The following GALNTL6 variants were observed in gnomAD, a reference collection of about 807,000 sequenced individuals.
GALNTL6 encodes polypeptide N-acetylgalactosaminyltransferase like 6, also known as polypeptide N-acetylgalactosaminyltransferase-like 6.
Under a neutral mutation model 73.7 loss-of-function variants are expected in GALNTL6, and 46 were observed. The observed-to-expected ratio is 0.62, with a 90% confidence interval of 0.49 to 0.80. GALNTL6 has a LOEUF of 0.80. Among genes scored for constraint, GALNTL6 ranks in the 30% least tolerant of loss-of-function variants. GALNTL6 has a pLI of 0.00. For missense variants in GALNTL6, 604 were observed against 755.0 expected (o/e 0.80, Z 2.34); for synonymous variants, 259 against 263.7 (o/e 0.98, Z 0.17).
intron 5 of GALNTL6, among the ~76,000 whole-genome samples, chr4:172,773,600 CAA>C (rs11382532): frequency 6.9e-6 from 1 of 145,700 alleles, no homozygotes. Context: ...ATTCAGTGAC[CAA>C]AAAAAAAAAC....
intron 5 of GALNTL6, among the ~76,000 whole-genome samples, chr4:172,560,019 G>A (rs933672444): frequency 2.6e-5 from 4 of 152,078 alleles, no homozygotes; most frequent in Admixed American, 6.6e-5. Context: ...GTTCCAATTC[G>A]TAATTAATGT....
rs76426531 is a variant in GALNTL6, at chr4:172,065,492, C to T, written c.139-164164C>T. On this transcript the variant is annotated intron_variant, in intron 2 of 12. Coordinates refer to ENST00000506823, the MANE Select transcript of GALNTL6 (RefSeq NM_001034845.3). ...TTTGAAATTCCCAATTCAAATGTAA[C>T]ATCATAGGTAGGAAATATATTTTGG... 5.3e-3 allele frequency among the ~76,000 whole-genome samples: 802 copies of T among 152,132 alleles called. 9 individuals carry two copies. Among genetic ancestry groups the T allele is most frequent in the African/African-American group, 0.017 (722 of 41,488 alleles).
intron 2 of GALNTL6, among the ~76,000 whole-genome samples, chr4:172,217,274 AG>A (rs1736525648): frequency 6.6e-6 from 1 of 152,158 alleles, no homozygotes; most frequent in Non-Finnish European, 1.5e-5. Context: ...TTCAAAATGT[AG>A]GGTAAAATAT....
At chr4:172,377,131 C>T (rs1395739289) in intron 5 of GALNTL6, among the ~76,000 whole-genome samples, 1 of 152,166 alleles carries the variant, frequency 6.6e-6, no homozygotes, top group African/African-American at 2.4e-5. Context: ...CCAAACACAT[C>T]CTGTTGATTG....
At chr4:172,694,830 C>T (rs1733587739) in intron 5 of GALNTL6, among the ~76,000 whole-genome samples, 2 of 152,132 alleles carry the variant, frequency 1.3e-5, no homozygotes, top group Non-Finnish European at 2.9e-5. Context: ...AAAATTATTT[C>T]TGCTTTTTAA....
chr4:172,846,042 T>C (rs1386350788), intron 7 of GALNTL6, among the ~76,000 whole-genome samples: 1 of 152,232 alleles, frequency 6.6e-6, no homozygotes, highest in African/African-American at 2.4e-5. Flanking sequence ...AATTGGAAGA[T>C]AGATAGCCAA....
intron 5 of GALNTL6, among the ~76,000 whole-genome samples, chr4:172,713,875 T>C (rs1734882683): frequency 1.3e-5 from 2 of 152,082 alleles, no homozygotes. Flanking sequence ...TGTAGGTTTC[T>C]TTCCTGTTAG....
At chr4:171,990,831 T>C (rs1284112312) in intron 2 of GALNTL6, among the ~76,000 whole-genome samples, 1 of 152,182 alleles carries the variant, frequency 6.6e-6, no homozygotes. Flanking sequence ...TACTGGAAAT[T>C]TGAAAGCAAA....
chr4:171,952,910 T>C (rs1738926227), intron 2 of GALNTL6, among the ~76,000 whole-genome samples: 1 of 152,102 alleles, frequency 6.6e-6, no homozygotes, highest in African/African-American at 2.4e-5. Flanking sequence ...TCATCAATAA[T>C]GAGAAAAATC....
intron 5 of GALNTL6, among the ~76,000 whole-genome samples, chr4:172,768,612 T>A (rs1051895589): frequency 2.6e-5 from 4 of 152,154 alleles, no homozygotes; most frequent in African/African-American, 9.7e-5. Flanking sequence ...TTATAAACAT[T>A]CCTGGAAAAG....
intron 10 of GALNTL6, among the ~76,000 whole-genome samples, chr4:172,977,047 G>A (rs989233983): frequency 2.6e-5 from 4 of 152,182 alleles, no homozygotes; most frequent in African/African-American, 9.7e-5. Flanking sequence ...AGAAATTACT[G>A]TCAAACAGAA....
chr4:172,984,616 G>T (rs1751215029), intron 10 of GALNTL6, among the ~76,000 whole-genome samples: 3 of 152,174 alleles, frequency 2.0e-5, no homozygotes, highest in Non-Finnish European at 4.4e-5. Flanking sequence ...ACTCCGAAAG[G>T]AGGGAGGGGG....
intron 5 of GALNTL6, among the ~76,000 whole-genome samples, chr4:172,637,592 A>G (rs1221071823): frequency 1.3e-5 from 2 of 152,218 alleles, no homozygotes; most frequent in African/African-American, 2.4e-5. Context: ...CAAGTATTCA[A>G]TAAGACTGCC....
chr4:173,033,738 T>A (rs1159840215), intron 12 of GALNTL6, among the ~76,000 whole-genome samples: 1 of 152,222 alleles, frequency 6.6e-6, no homozygotes, highest in African/African-American at 2.4e-5. Context: ...GTTTCTTAAT[T>A]CCAAGCCTTC....
intron 5 of GALNTL6, among the ~76,000 whole-genome samples, chr4:172,678,013 C>A (rs891943605): frequency 7.1e-6 from 1 of 141,404 alleles, no homozygotes; most frequent in Admixed American, 7.2e-5. Flanking sequence ...CATGCATGGT[C>A]AGTTGCAGCT....
chr4:172,418,509 A>G (rs1410956244), intron 5 of GALNTL6, among the ~76,000 whole-genome samples: 2 of 152,144 alleles, frequency 1.3e-5, no homozygotes, highest in Non-Finnish European at 2.9e-5. Flanking sequence ...CCCATCCTAT[A>G]GTGGGGAACC....
intron 2 of GALNTL6, among the ~76,000 whole-genome samples, chr4:172,139,476 C>T (rs1733748420): frequency 6.6e-6 from 1 of 152,142 alleles, no homozygotes; most frequent in Non-Finnish European, 1.5e-5. Context: ...AATTATATCT[C>T]ACAGCCAAGA....
chr4:172,305,426 G>C (rs1740094990), intron 3 of GALNTL6, among the ~76,000 whole-genome samples: 1 of 152,030 alleles, frequency 6.6e-6, no homozygotes, highest in Non-Finnish European at 1.5e-5. Context: ...GAACATAGCA[G>C]ATGGTACACT....
intron 3 of GALNTL6, among the ~76,000 whole-genome samples, chr4:172,273,288 T>C (rs945268368): frequency 8.5e-5 from 13 of 152,152 alleles, no homozygotes; most frequent in Non-Finnish European, 1.8e-4. Context: ...GATACAATAG[T>C]GTGTGCATCG....
Sources: allele counts gnomAD v4.1 joint callset (sites outside exome capture counted in the v4.1 genomes callset), GRCh38; gene constraint gnomAD v4.1.1; transcripts MANE v1.5; gene names NCBI Gene and HGNC (gene_info 2026-07-23, HGNC 2026-07-21).